Variants in CCDC171 observed in about 807,000 individuals in gnomAD.
CCDC171 encodes coiled-coil domain-containing protein 171.
Under a neutral mutation model 168.2 loss-of-function variants are expected in CCDC171, and 177 were observed. The observed-to-expected ratio is 1.05, with a 90% confidence interval of 0.93 to 1.19. CCDC171 has a LOEUF of 1.19. Among genes scored for constraint, CCDC171 ranks in the 50% most tolerant of loss-of-function variants. The pLI, the probability that CCDC171 is intolerant of heterozygous loss-of-function variation, is 0.00. For synonymous variants in CCDC171, 687 were observed against 540.8 expected (o/e 1.27, Z -3.75); for missense variants, 1,991 against 1,539.0 (o/e 1.29, Z -4.91).
At chr9:15,889,349 A>G (rs2131461359) in intron 24 of CCDC171, among the ~76,000 whole-genome samples, 1 of 152,286 alleles carries the variant, frequency 6.6e-6, no homozygotes, top group South Asian at 2.1e-4. Flanking sequence ...GGTTCTATGC[A>G]AAGGACATAT....
chr9:16,017,104 G>C (rs945608199), intron 3 of CCDC171, among the ~76,000 whole-genome samples: 3 of 152,114 alleles, frequency 2.0e-5, no homozygotes, highest in African/African-American at 7.2e-5. Context: ...TGGTGGAGTA[G>C]ATTATGTTCT....
rs562068695 is a variant in CCDC171, at chr9:15,569,817, A to G, written c.42-1807A>G. Among the ~76,000 whole-genome samples, 318 of 103,344 alleles carry G rather than the reference A, an allele frequency of 3.1e-3. 2 individuals are homozygous for G. Among genetic ancestry groups the G allele is most frequent in the South Asian group, 6.4e-3 (17 of 2,656 alleles). The allele number at this position is 103,344 out of a possible 152,430, so 67.8% of individuals were successfully genotyped here. The stretch of plus-strand genomic sequence containing the variant: ...GCGACAGAGCGAGACTCCGTCTCAA[A>G]AAAAAACAAAAAACAAAAAACAAAC... On this transcript the variant is annotated intron_variant, in intron 2 of 25. Coordinates refer to ENST00000380701, the MANE Select transcript of CCDC171 (RefSeq NM_173550.4).
chr9:15,961,093 A>G (rs1830289606), intron 25 of CCDC171, among the ~76,000 whole-genome samples: 1 of 152,168 alleles, frequency 6.6e-6, no homozygotes, highest in Admixed American at 6.6e-5. Flanking sequence ...AGATACTTAT[A>G]TTGTTAGAAA....
intron 3 of CCDC171, among the ~76,000 whole-genome samples, chr9:15,578,226 A>G (rs536948842): frequency 1.3e-4 from 19 of 150,630 alleles, no homozygotes; most frequent in African/African-American, 3.6e-4. Context: ...TTAGGTATGA[A>G]TATTTTCTTT....
chr9:15,960,120 A>G (rs1830201827), intron 25 of CCDC171, among the ~76,000 whole-genome samples: 3 of 152,194 alleles, frequency 2.0e-5, no homozygotes, highest in African/African-American at 2.4e-5. Flanking sequence ...GGGACTTTGT[A>G]TCCACAGAAT....
the CCDC171 span, among the ~76,000 whole-genome samples, chr9:16,068,517 A>G: frequency 6.6e-6 from 1 of 152,224 alleles, no homozygotes; most frequent in Admixed American, 6.5e-5. Flanking sequence ...GGCTAAAAGC[A>G]CAGACCCTTG....
chr9:15,743,773 C>G (rs1281384910), intron 16 of CCDC171, among the ~76,000 whole-genome samples: 1 of 152,182 alleles, frequency 6.6e-6, no homozygotes, highest in East Asian at 1.9e-4. Flanking sequence ...AGTGCCTTCT[C>G]ATGCAGTAAA....
intron 6 of CCDC171, among the ~76,000 whole-genome samples, chr9:16,028,070 A>T (rs1308322563): frequency 6.6e-6 from 1 of 152,196 alleles, no homozygotes; most frequent in Non-Finnish European, 1.5e-5. Flanking sequence ...TTTGTGAAGG[A>T]CATTCCAGGG....
chr9:16,042,269 G>A (rs1251478425), upstream of CCDC171, among the ~76,000 whole-genome samples: 2 of 152,152 alleles, frequency 1.3e-5, no homozygotes, highest in African/African-American at 4.8e-5. Context: ...AGCCAGGCAG[G>A]TGTGAGATGA....
chr9:15,763,304 T>G (rs998186772), intron 18 of CCDC171, among the ~76,000 whole-genome samples: 1 of 152,182 alleles, frequency 6.6e-6, no homozygotes, highest in Non-Finnish European at 1.5e-5. Context: ...GAGTTCTTAA[T>G]TGAAGCTTCA....
intron 21 of CCDC171, among the ~76,000 whole-genome samples, chr9:15,790,746 C>T (rs200257235): frequency 2.0e-5 from 3 of 152,024 alleles, no homozygotes; most frequent in Non-Finnish European, 2.9e-5. Flanking sequence ...CATTTAAGTC[C>T]TTAATCCATC....
At chr9:15,687,652 A>G (rs1056624762) in intron 10 of CCDC171, among the ~76,000 whole-genome samples, 3 of 152,244 alleles carry the variant, frequency 2.0e-5, no homozygotes, top group African/African-American at 7.2e-5. Context: ...TCATCAAAAA[A>G]GGAGAAGAGA....
intron 25 of CCDC171, among the ~76,000 whole-genome samples, chr9:15,945,848 G>A (rs1426068284): frequency 6.6e-6 from 1 of 151,332 alleles, no homozygotes; most frequent in Non-Finnish European, 1.5e-5. Flanking sequence ...CACTCTGATG[G>A]TAGTTTCTTT....
chr9:16,066,127 A>G (rs957465131), downstream of CCDC171, among the ~76,000 whole-genome samples: 10 of 152,012 alleles, frequency 6.6e-5, no homozygotes, highest in African/African-American at 2.2e-4. Context: ...GCTACTTTCT[A>G]CTTCCTTGAT....
intron 3 of CCDC171, among the ~76,000 whole-genome samples, chr9:16,009,737 C>G (rs1832811159): frequency 6.6e-6 from 1 of 151,936 alleles, no homozygotes; most frequent in South Asian, 2.1e-4. Flanking sequence ...TTTTTAAAAT[C>G]TAGATAAACT....
chr9:15,794,057 T>C (rs1588538751), intron 21 of CCDC171, among the ~76,000 whole-genome samples: 6 of 152,234 alleles, frequency 3.9e-5, no homozygotes, highest in East Asian at 1.9e-4. Context: ...CCTTATCTTG[T>C]TTCCAGTCTT....
chr9:16,019,007 A>T (rs975320457), intron 3 of CCDC171, among the ~76,000 whole-genome samples: 1 of 152,236 alleles, frequency 6.6e-6, no homozygotes, highest in African/African-American at 2.4e-5. Flanking sequence ...GCTGTTTGGA[A>T]GACTAAATCT....
intron 9 of CCDC171, among the ~76,000 whole-genome samples, chr9:15,669,363 A>T (rs564830591): frequency 6.6e-6 from 1 of 152,166 alleles, no homozygotes; most frequent in South Asian, 2.1e-4. Context: ...AGTTGTACAT[A>T]TTTATGGGGT....
intron 21 of CCDC171, among the ~76,000 whole-genome samples, chr9:15,828,874 C>A (rs992281529): frequency 5.3e-5 from 8 of 152,052 alleles, no homozygotes; most frequent in Non-Finnish European, 1.0e-4. Context: ...AAAAAATAAT[C>A]AGGGTTTTTG....
Sources: gnomAD v4.1 joint callset for allele counts (sites outside exome capture counted in the v4.1 genomes callset) on GRCh38, gnomAD v4.1.1 for gene constraint, MANE v1.5 for transcripts, NCBI Gene and HGNC (gene_info 2026-07-23, HGNC 2026-07-21) for gene names.